Variants in EPB41L4A observed in about 807,000 individuals in gnomAD.
EPB41L4A encodes the protein erythrocyte membrane protein band 4.1 like 4A.
In EPB41L4A, 100 loss-of-function variants were observed where a neutral mutation model predicts 108.6. The ratio of observed to expected loss-of-function variants is 0.92; its 90% CI spans 0.78 to 1.09. The LOEUF (loss-of-function observed/expected upper bound fraction) is 1.09. Ranked by LOEUF, EPB41L4A falls within the 50% of genes least tolerant of loss-of-function variation. The pLI is 0.00. For missense variants in EPB41L4A, 1,030 were observed against 842.7 expected (o/e 1.22, Z -2.75); for synonymous variants, 319 against 289.0 (o/e 1.10, Z -1.05).
chr5:112,361,306 G>A (rs1332859547), intron 1 of EPB41L4A, among the ~76,000 whole-genome samples: 1 of 152,212 alleles, frequency 6.6e-6, no homozygotes, highest in Non-Finnish European at 1.5e-5. Context: ...TTGTTAAACA[G>A]ATGCTTGAAG....
intron 1 of EPB41L4A, among the ~76,000 whole-genome samples, chr5:112,346,351 G>A (rs904725261): frequency 2.0e-5 from 3 of 148,598 alleles, no homozygotes; most frequent in African/African-American, 7.4e-5. Context: ...TCAGCCTCCT[G>A]TAGCTGCGAT....
rs1325308751 is a variant in EPB41L4A at position 112,236,625 on chromosome 5, GAC to G, written c.966-1872_966-1871del. Among the ~76,000 whole-genome samples the G allele has an allele frequency of 3.3e-5, 5 of 152,282 alleles. No individual in the cohort carries two copies. The South Asian group carries it at 6.2e-4, about 19-fold the overall frequency. ...GTTTGGTGGCTCTCTGTTACGACAG[GAC>G]ACAGTTTTATTTCTGTGATCACCCA... On this transcript the variant is annotated intron_variant, in intron 11 of 22. Coordinates refer to ENST00000261486, the MANE Select transcript of EPB41L4A (RefSeq NM_022140.5).
intron 1 of EPB41L4A, among the ~76,000 whole-genome samples, chr5:112,361,111 G>A (rs546676402): frequency 3.9e-5 from 6 of 152,220 alleles, no homozygotes; most frequent in African/African-American, 9.6e-5. Context: ...AAGAGAGATC[G>A]GATTGTTACT....
downstream of EPB41L4A, chr5:112,161,355 T>C (rs1016839787): frequency 2.5e-6 from 1 of 405,426 alleles, no homozygotes; most frequent in African/African-American, 2.1e-5. Context: ...ATTTCACTTT[T>C]CATTATTAAG....
chr5:112,412,407 C>G (rs10039730), intron 1 of EPB41L4A, among the ~76,000 whole-genome samples: 13,571 of 152,184 alleles, frequency 0.089, 1,961 homozygotes, highest in African/African-American at 0.3. Context: ...ATTCACAATA[C>G]GCAGCATTAA....
chr5:112,401,766 C>T (rs1467444380), intron 1 of EPB41L4A, among the ~76,000 whole-genome samples: 2 of 152,110 alleles, frequency 1.3e-5, no homozygotes, highest in Non-Finnish European at 2.9e-5. Context: ...CGAGATTAGA[C>T]AAAAAGAGAG....
intron 1 of EPB41L4A, among the ~76,000 whole-genome samples, chr5:112,347,982 T>C (rs1180736973): frequency 6.6e-6 from 1 of 152,200 alleles, no homozygotes. Flanking sequence ...CTGCTTACCA[T>C]ATCTGCACTG....
At chr5:112,244,217 G>C (rs1026186854) in intron 9 of EPB41L4A, among the ~76,000 whole-genome samples, 3 of 152,206 alleles carry the variant, frequency 2.0e-5, no homozygotes, top group Admixed American at 6.5e-5. Context: ...GAGAGAGACA[G>C]GGAATGGCCA....
chr5:112,268,708 AG>A (rs1752043515), intron 4 of EPB41L4A, among the ~76,000 whole-genome samples: 1 of 151,550 alleles, frequency 6.6e-6, no homozygotes. Flanking sequence ...TTAGCCAGCC[AG>A]GTACATGCAT....
At chr5:112,209,663 T>C (rs947896160) in intron 13 of EPB41L4A, among the ~76,000 whole-genome samples, 1 of 152,224 alleles carries the variant, frequency 6.6e-6, no homozygotes, top group African/African-American at 2.4e-5. Flanking sequence ...AATCTGTGAG[T>C]TCACCTTGTG....
At chr5:112,343,530 T>A (rs145300243) in intron 1 of EPB41L4A, among the ~76,000 whole-genome samples, 1,784 of 152,256 alleles carry the variant, frequency 0.012, 28 homozygotes, top group South Asian at 0.038. Context: ...AGTTTAGCTA[T>A]GCTGTTGTTG....
Position 112,238,393 on chromosome 5 carries a change from CTT to C in EPB41L4A, c.965+1265_965+1266del, listed in dbSNP as rs200016777. ...CAAGAATATCTATAATACAATGACA[CTT>C]AAGTATTTTTATTCATGCAATGAGC... On this transcript the variant is annotated intron_variant, in intron 11 of 22. Coordinates refer to ENST00000261486, the MANE Select transcript of EPB41L4A (RefSeq NM_022140.5). Among the ~76,000 whole-genome samples the C allele has an allele frequency of 1.8e-4, 28 of 152,222 alleles. 1 individual carries two copies. In the East Asian group the frequency reaches 5.0e-3, roughly 27 times the overall value.
intron 1 of EPB41L4A, chr5:112,363,406 C>A (rs758069066): frequency 2.8e-5 from 4 of 143,478 alleles, no homozygotes; most frequent in African/African-American, 5.4e-5. Flanking sequence ...AATAGTGAGA[C>A]CCTTGACTCT....
At chr5:112,398,826 G>C (rs541790748) in intron 1 of EPB41L4A, among the ~76,000 whole-genome samples, 1 of 151,952 alleles carries the variant, frequency 6.6e-6, no homozygotes, top group South Asian at 2.1e-4. Context: ...CATAGGCTCT[G>C]AGTGAAATGT....
chr5:112,361,353 T>C (rs1377571880), intron 1 of EPB41L4A, among the ~76,000 whole-genome samples: 1 of 152,136 alleles, frequency 6.6e-6, no homozygotes, highest in Non-Finnish European at 1.5e-5. Context: ...CACTCCCTAA[T>C]CTCAAGTACC....
At chr5:112,352,249 G>A (rs1367329691) in intron 1 of EPB41L4A, among the ~76,000 whole-genome samples, 2 of 152,016 alleles carry the variant, frequency 1.3e-5, no homozygotes, top group African/African-American at 4.8e-5. Flanking sequence ...TTTTTGATGC[G>A]GGTGTTTATT....
intron 17 of EPB41L4A, among the ~76,000 whole-genome samples, chr5:112,185,853 A>G (rs1297733792): frequency 6.6e-6 from 1 of 152,122 alleles, no homozygotes; most frequent in Non-Finnish European, 1.5e-5. Context: ...TGTGCTGTAA[A>G]CACACACACA....
At chr5:112,416,367 T>C (rs1459943677) in intron 1 of EPB41L4A, among the ~76,000 whole-genome samples, 1 of 152,142 alleles carries the variant, frequency 6.6e-6, no homozygotes, top group Non-Finnish European at 1.5e-5. Context: ...AGTAACCATT[T>C]AGGAATCAGT....
intron 1 of EPB41L4A, among the ~76,000 whole-genome samples, chr5:112,410,078 T>A (rs1762321625): frequency 6.6e-6 from 1 of 152,080 alleles, no homozygotes; most frequent in Non-Finnish European, 1.5e-5. Context: ...CACAAAAAAG[T>A]GAAACCTAGG....
Sources: allele counts gnomAD v4.1 joint callset (sites outside exome capture counted in the v4.1 genomes callset), GRCh38; gene constraint gnomAD v4.1.1; transcripts MANE v1.5; gene names NCBI Gene and HGNC (gene_info 2026-07-23, HGNC 2026-07-21).